The following PRKG1 variants were observed in gnomAD, a reference collection of about 807,000 sequenced individuals.
The protein encoded by PRKG1 is cGMP-dependent protein kinase 1.
A neutral mutation model predicts 88.1 loss-of-function variants in PRKG1; 35 were observed. The ratio of observed to expected loss-of-function variants is 0.40; its 90% CI spans 0.30 to 0.53. The LOEUF (loss-of-function observed/expected upper bound fraction) is 0.53, where lower values mean the gene tolerates loss of function less well. Among genes scored for constraint, PRKG1 ranks in the 20% least tolerant of loss-of-function variants. The probability of loss-of-function intolerance (pLI) is 0.59; values close to 1 mark genes in which losing one functional copy is unlikely to be tolerated. For synonymous variants in PRKG1, 303 were observed against 292.5 expected (o/e 1.04, Z -0.37); for missense variants, 540 against 839.8 (o/e 0.64, Z 4.41).
At chr10:52,162,566 C>T (rs932314991) in intron 9 of PRKG1, among the ~76,000 whole-genome samples, 1 of 152,038 alleles carries the variant, frequency 6.6e-6, no homozygotes, top group Non-Finnish European at 1.5e-5. Context: ...TAATCCTCCC[C>T]TCTTTCCCCT....
chr10:51,342,746 A>C (rs211086), intron 2 of PRKG1, among the ~76,000 whole-genome samples: 5,691 of 152,306 alleles, frequency 0.037, 349 homozygotes, highest in African/African-American at 0.13. Flanking sequence ...AGAGAATCAT[A>C]ATAGCCCGTA....
At chr10:51,681,243 G>A (rs978707309) in intron 3 of PRKG1, among the ~76,000 whole-genome samples, 3 of 152,040 alleles carry the variant, frequency 2.0e-5, no homozygotes, top group African/African-American at 7.2e-5. Flanking sequence ...GTTCTCAATA[G>A]CTTTATGTAG....
chr10:51,978,929 T>C (rs1843921101), intron 5 of PRKG1, among the ~76,000 whole-genome samples: 1 of 152,140 alleles, frequency 6.6e-6, no homozygotes, highest in Non-Finnish European at 1.5e-5. Flanking sequence ...ACTTCCTTTC[T>C]TTCTATTTGG....
chr10:52,096,459 C>A (rs974412145), intron 7 of PRKG1, among the ~76,000 whole-genome samples: 2 of 152,180 alleles, frequency 1.3e-5, no homozygotes, highest in African/African-American at 4.8e-5. Context: ...AAACAGGAAA[C>A]CAACTTGCTC....
chr10:51,631,491 G>T (rs987666984), intron 3 of PRKG1, among the ~76,000 whole-genome samples: 2 of 152,194 alleles, frequency 1.3e-5, no homozygotes, highest in African/African-American at 4.8e-5. Context: ...GCCACCAGAT[G>T]CAGCTTAATT....
chr10:52,020,904 A>G (rs1215258128), intron 5 of PRKG1, among the ~76,000 whole-genome samples: 1 of 152,028 alleles, frequency 6.6e-6, no homozygotes, highest in Non-Finnish European at 1.5e-5. Context: ...TTAGCATTTT[A>G]ATGCAACAGG....
intron 3 of PRKG1, among the ~76,000 whole-genome samples, chr10:51,594,715 T>G (rs1838398777): frequency 6.6e-6 from 1 of 152,186 alleles, no homozygotes; most frequent in South Asian, 2.1e-4. Context: ...ACTCAGTCAT[T>G]TCTATATCAC....
chr10:51,683,992 CAT>C, intron 3 of PRKG1, among the ~76,000 whole-genome samples: 1 of 152,270 alleles, frequency 6.6e-6, no homozygotes, highest in East Asian at 1.9e-4. Flanking sequence ...CTGAAGTTAA[CAT>C]AAAGTTCCTA....
At chr10:51,753,499 T>A (rs1036287042) in intron 3 of PRKG1, among the ~76,000 whole-genome samples, 10 of 152,124 alleles carry the variant, frequency 6.6e-5, no homozygotes, top group African/African-American at 2.4e-4. Flanking sequence ...GATGATTTTT[T>A]TAATTATATT....
chr10:52,283,913 T>C (rs1299965321), intron 14 of PRKG1, among the ~76,000 whole-genome samples: 5 of 152,050 alleles, frequency 3.3e-5, no homozygotes, highest in African/African-American at 9.6e-5. Flanking sequence ...AATATTCACC[T>C]ATAATAACTA....
chr10:51,057,477 C>CACCACTCAGTATAATCACCA (rs1564584043), intron 1 of PRKG1, among the ~76,000 whole-genome samples: 4 of 152,104 alleles, frequency 2.6e-5, no homozygotes, highest in Non-Finnish European at 5.9e-5. Flanking sequence ...AATGAGTTAT[C>CACCACTCAGTATAATCACCA]CTTACAGCAG....
At chr10:52,263,578 ATTT>A (rs60167378) in intron 10 of PRKG1, among the ~76,000 whole-genome samples, 13 of 140,406 alleles carry the variant, frequency 9.3e-5, no homozygotes, top group Admixed American at 2.9e-4. Context: ...AATCTCCAGG[ATTT>A]TTTTTTTTTT....
chr10:51,328,413 T>G (rs543470434), intron 2 of PRKG1, among the ~76,000 whole-genome samples: 61 of 152,354 alleles, frequency 4.0e-4, no homozygotes, highest in African/African-American at 1.4e-3. Context: ...ATAGCTTGGC[T>G]ATTGTGAATA....
At chr10:51,744,452 C>G (rs550561855) in intron 3 of PRKG1, among the ~76,000 whole-genome samples, 1 of 152,258 alleles carries the variant, frequency 6.6e-6, no homozygotes, top group South Asian at 2.1e-4. Context: ...GGAACCACAG[C>G]CAGTTTCAGA....
At chr10:51,191,900 T>C (rs1446302928) in intron 2 of PRKG1, among the ~76,000 whole-genome samples, 1 of 151,796 alleles carries the variant, frequency 6.6e-6, no homozygotes, top group Non-Finnish European at 1.5e-5. Flanking sequence ...TCTACTTTAA[T>C]ACAAAATGAA....
At chr10:51,417,146 C>T (rs540005213) in intron 2 of PRKG1, among the ~76,000 whole-genome samples, 27 of 152,240 alleles carry the variant, frequency 1.8e-4, no homozygotes, top group African/African-American at 6.0e-4. Flanking sequence ...TAATTATTAT[C>T]ACCAACAAGA....
intron 3 of PRKG1, among the ~76,000 whole-genome samples, chr10:51,641,177 G>T (rs1839790305): frequency 1.3e-5 from 2 of 152,284 alleles, no homozygotes; most frequent in Non-Finnish European, 1.5e-5. Flanking sequence ...ATCCAGAAGT[G>T]ACTGGGGAGA....
chr10:51,912,927 T>A (rs1200235685), intron 5 of PRKG1, among the ~76,000 whole-genome samples: 1 of 151,550 alleles, frequency 6.6e-6, no homozygotes, highest in Non-Finnish European at 1.5e-5. Context: ...ACTTCTATTT[T>A]ATTTTATTAT....
chr10:51,000,085 C>T (rs1022369280), intron 1 of PRKG1, among the ~76,000 whole-genome samples: 3 of 152,232 alleles, frequency 2.0e-5, no homozygotes, highest in African/African-American at 7.2e-5. Context: ...CTCCAAAATA[C>T]TCAATCCAAT....
Sources: gnomAD v4.1 joint callset for allele counts (sites outside exome capture counted in the v4.1 genomes callset) on GRCh38, gnomAD v4.1.1 for gene constraint, MANE v1.5 for transcripts, NCBI Gene and HGNC (gene_info 2026-07-23, HGNC 2026-07-21) for gene names.